Variants in KCNIP4 observed in about 807,000 individuals in gnomAD.
KCNIP4 encodes the protein potassium voltage-gated channel interacting protein 4.
KCNIP4 carries 12 observed loss-of-function variants against 34.0 expected under a neutral mutation model. The observed-to-expected ratio is 0.35, with a 90% CI of 0.23 to 0.57. The LOEUF (loss-of-function observed/expected upper bound fraction) is 0.57, where lower values mean the gene tolerates loss of function less well. Ranked by LOEUF, KCNIP4 falls within the 20% of genes least tolerant of loss-of-function variation. The probability of loss-of-function intolerance (pLI) is 0.83; values close to 1 mark genes in which losing one functional copy is unlikely to be tolerated. For missense variants in KCNIP4, 238 were observed against 311.7 expected (o/e 0.76, Z 1.78); for synonymous variants, 124 against 102.2 (o/e 1.21, Z -1.29).
chr4:20,848,184 T>C (rs1429643920), intron 3 of KCNIP4, among the ~76,000 whole-genome samples: 7 of 152,220 alleles, frequency 4.6e-5, no homozygotes, highest in African/African-American at 1.2e-4. Flanking sequence ...AAGAAGTATA[T>C]AAAATAGGCC....
chr4:21,251,492 T>C (rs1760695504), intron 1 of KCNIP4, among the ~76,000 whole-genome samples: 1 of 152,120 alleles, frequency 6.6e-6, no homozygotes, highest in Non-Finnish European at 1.5e-5. Flanking sequence ...TGTTTGTTGC[T>C]CCATCAACCT....
At chr4:21,479,770 AAAAT>A (rs1358140735) in intron 1 of KCNIP4, among the ~76,000 whole-genome samples, 56 of 152,250 alleles carry the variant, frequency 3.7e-4, no homozygotes, top group African/African-American at 1.3e-3. Flanking sequence ...AAATATGCAC[AAAAT>A]AAATAAAATT....
At chr4:21,014,220 A>T (rs1024197976) in intron 1 of KCNIP4, among the ~76,000 whole-genome samples, 1 of 152,194 alleles carries the variant, frequency 6.6e-6, no homozygotes, top group Non-Finnish European at 1.5e-5. Flanking sequence ...CACATCCAAG[A>T]GGTCCTTCTA....
At chr4:20,856,478 A>G (rs572234720) in intron 2 of KCNIP4, among the ~76,000 whole-genome samples, 43 of 152,314 alleles carry the variant, frequency 2.8e-4, no homozygotes, top group African/African-American at 1.0e-3. Flanking sequence ...CATGTAAAAC[A>G]TAACATCATG....
At chr4:21,645,726 G>A (rs2109245586) in intron 1 of KCNIP4, among the ~76,000 whole-genome samples, 1 of 152,234 alleles carries the variant, frequency 6.6e-6, no homozygotes, top group African/African-American at 2.4e-5. Context: ...ACGTCTGTCT[G>A]GGATGCGCTG....
Position 21,113,271 on chromosome 4 carries a change from A to G in KCNIP4, c.62-230562T>C, listed in dbSNP as rs190838395. ...AAAAGTAACAAAGAAAATCTCATCA[A>G]ATTGGATTTCACACAGACATAAGGC... is the stretch of plus-strand genomic sequence containing the variant. On this transcript the variant is annotated intron_variant, in intron 1 of 8. Transcript: ENST00000382152. Among the ~76,000 whole-genome samples, 624 of 152,246 alleles carry G rather than the reference A, an allele frequency of 4.1e-3. 2 individuals are homozygous for G. The highest frequency in any genetic ancestry group is 6.3e-3 in the Non-Finnish European group (430 of 68,002).
At position 21,771,456 on chromosome 4, in the gene KCNIP4, A is replaced by AT. The variant is rs555807461; in HGVS notation, c.61+177114dup. On this transcript the variant is annotated intron_variant, in intron 1 of 8. Transcript: ENST00000382152. ...TTTGATTCCACATGAAATTGAAAAT[A>AT]TTTTTTTTCCTAATTCTGTGAAGAA... 5.2e-4 allele frequency among the ~76,000 whole-genome samples: 79 copies of AT among 152,020 alleles called. 1 individual carries two copies. In the Middle Eastern group the frequency reaches 0.01, roughly 20 times the overall value.
At chr4:21,559,730 A>C (rs969723889) in intron 1 of KCNIP4, among the ~76,000 whole-genome samples, 5 of 152,120 alleles carry the variant, frequency 3.3e-5, no homozygotes, top group African/African-American at 1.2e-4. Context: ...ATATTTTACT[A>C]ATGAGAAAAC....
intron 1 of KCNIP4, among the ~76,000 whole-genome samples, chr4:20,952,496 A>C (rs1347752709): frequency 1.3e-5 from 2 of 152,144 alleles, no homozygotes; most frequent in Non-Finnish European, 2.9e-5. Context: ...TGATACCTTG[A>C]CAAGATGTAA....
chr4:21,466,243 G>A (rs76880060), intron 1 of KCNIP4, among the ~76,000 whole-genome samples: 1,903 of 152,058 alleles, frequency 0.013, 35 homozygotes, highest in African/African-American at 0.042. Context: ...ACTAAACACC[G>A]AACTCCAAAG....
chr4:20,751,290 A>C (rs1009868782), intron 4 of KCNIP4, among the ~76,000 whole-genome samples: 1 of 152,174 alleles, frequency 6.6e-6, no homozygotes, highest in African/African-American at 2.4e-5. Context: ...TCTAGAGTGG[A>C]TATCCATCCA....
rs73107940 is a variant in KCNIP4 at position 21,491,137 on chromosome 4, T to C, written c.61+457434A>G. Among the ~76,000 whole-genome samples the C allele has an allele frequency of 1.1e-3, 161 of 152,108 alleles. 1 individual carries two copies. The highest frequency in any genetic ancestry group is 3.4e-3 in the African/African-American group (142 of 41,512). On this transcript the variant is annotated intron_variant, in intron 1 of 8. Coordinates refer to ENST00000382152, the MANE Select transcript of KCNIP4 (RefSeq NM_025221.6). ...CAGAGATTGGCCAGCTAGTGACCAA[T>C]CTCCTTTGTTCTCCCTCCTGAGAAC...
chr4:21,853,484 C>A (rs1724543698), intron 1 of KCNIP4, among the ~76,000 whole-genome samples: 1 of 152,060 alleles, frequency 6.6e-6, no homozygotes, highest in Non-Finnish European at 1.5e-5. Context: ...TTTTAAGTCC[C>A]TTTTCATTTA....
chr4:21,584,125 C>CT (rs1398595085), intron 1 of KCNIP4, among the ~76,000 whole-genome samples: 1 of 151,994 alleles, frequency 6.6e-6, no homozygotes, highest in Admixed American at 6.6e-5. Context: ...GGTAGCCTGC[C>CT]TTTACATGAG....
chr4:21,321,945 A>G, intron 1 of KCNIP4, among the ~76,000 whole-genome samples: 2 of 132,224 alleles, frequency 1.5e-5, no homozygotes, highest in African/African-American at 5.8e-5. Context: ...GGAGGGAGGG[A>G]GGGAGAGAGA....
chr4:21,851,353 G>A (rs1050671373), intron 1 of KCNIP4: 1 of 152,102 alleles, frequency 6.6e-6, no homozygotes, highest in African/African-American at 2.4e-5. Context: ...GCTAAATAAG[G>A]GAGAGCTAAA....
At chr4:20,916,300 A>C in intron 1 of KCNIP4, 1 of 984,538 alleles carries the variant, frequency 1.0e-6, no homozygotes, top group Non-Finnish European at 1.2e-6. Flanking sequence ...GTAACCTCAG[A>C]GTGGCTTTTT....
intron 1 of KCNIP4, among the ~76,000 whole-genome samples, chr4:21,714,794 ATT>A (rs375965697): frequency 1.3e-3 from 4 of 3,016 alleles, no homozygotes; most frequent in Non-Finnish European, 2.0e-3. Flanking sequence ...TGATTATTTT[ATT>A]TTATTTTATT....
intron 1 of KCNIP4, among the ~76,000 whole-genome samples, chr4:20,941,044 A>G (rs1023581541): frequency 6.6e-6 from 1 of 152,344 alleles, no homozygotes; most frequent in African/African-American, 2.4e-5. Context: ...TTGAGACGAC[A>G]TGAGTTAATG....
Sources: allele counts gnomAD v4.1 joint callset (sites outside exome capture counted in the v4.1 genomes callset), GRCh38; gene constraint gnomAD v4.1.1; transcripts MANE v1.5; gene names NCBI Gene and HGNC (gene_info 2026-07-23, HGNC 2026-07-21).